NXPH1: variants seen among roughly 807,000 people sequenced by gnomAD.
NXPH1 encodes neurexophilin-1.
In NXPH1, 5 loss-of-function variants were observed where a neutral mutation model predicts 23.7. That is an observed-to-expected ratio of 0.21 (90% confidence interval 0.11 to 0.44). NXPH1 has a LOEUF of 0.44. Ranked by LOEUF, NXPH1 falls within the 20% of genes least tolerant of loss-of-function variation. The pLI is 0.99. For missense variants in NXPH1, 324 were observed against 321.6 expected (o/e 1.01, Z -0.06); for synonymous variants, 144 against 122.2 (o/e 1.18, Z -1.18).
At chr7:8,569,995 G>C (rs10243253) in intron 2 of NXPH1, among the ~76,000 whole-genome samples, 55,774 of 151,632 alleles carry the variant, frequency 0.37, 12,025 homozygotes, top group African/African-American at 0.61. Flanking sequence ...ATGTAAAATA[G>C]TTGGTACAAT....
At chr7:8,645,634 C>T (rs1820386917) in intron 2 of NXPH1, among the ~76,000 whole-genome samples, 1 of 151,766 alleles carries the variant, frequency 6.6e-6, no homozygotes, top group Non-Finnish European at 1.5e-5. Flanking sequence ...ATGTTTTCAT[C>T]ATGGTTTGGG....
chr7:8,619,753 A>G (rs2115121773), intron 2 of NXPH1, among the ~76,000 whole-genome samples: 1 of 152,332 alleles, frequency 6.6e-6, no homozygotes, highest in East Asian at 1.9e-4. Context: ...CATTTGTAAT[A>G]ACACTCTGTA....
At chr7:8,674,569 T>C (rs1820919243) in intron 2 of NXPH1, among the ~76,000 whole-genome samples, 1 of 152,130 alleles carries the variant, frequency 6.6e-6, no homozygotes, top group African/African-American at 2.4e-5. Context: ...GGAGGCAGAA[T>C]GGAAACAAAA....
chr7:8,506,261 C>T (rs79090401), intron 2 of NXPH1, among the ~76,000 whole-genome samples: 10,006 of 152,152 alleles, frequency 0.066, 448 homozygotes, highest in Middle Eastern at 0.14. Flanking sequence ...AATTCTGTTA[C>T]TCCAAGGGAA....
intron 2 of NXPH1, among the ~76,000 whole-genome samples, chr7:8,613,460 T>C (rs556946103): frequency 6.6e-5 from 10 of 151,998 alleles, no homozygotes; most frequent in Non-Finnish European, 1.3e-4. Flanking sequence ...ATTTCTTTCT[T>C]TGATTCCTTA....
At chr7:8,496,083 G>A (rs1014770259) in intron 2 of NXPH1, among the ~76,000 whole-genome samples, 1 of 152,016 alleles carries the variant, frequency 6.6e-6, no homozygotes, top group Non-Finnish European at 1.5e-5. Flanking sequence ...TATATCAAAT[G>A]AGTGGCAGCA....
At chr7:8,708,296 G>A (rs192790263) in intron 2 of NXPH1, among the ~76,000 whole-genome samples, 88 of 151,976 alleles carry the variant, frequency 5.8e-4, no homozygotes, top group Middle Eastern at 3.4e-3. Context: ...TTTGTCATTC[G>A]GTCAAAATAG....
At chr7:8,714,876 CT>C in intron 2 of NXPH1, among the ~76,000 whole-genome samples, 1 of 152,222 alleles carries the variant, frequency 6.6e-6, no homozygotes, top group African/African-American at 2.4e-5. Context: ...AGAGGGATCT[CT>C]TTTGGAACTT....
At chr7:8,691,722 T>C (rs1449435726) in intron 2 of NXPH1, among the ~76,000 whole-genome samples, 3 of 152,236 alleles carry the variant, frequency 2.0e-5, no homozygotes, top group African/African-American at 4.8e-5. Flanking sequence ...TATCACCAGA[T>C]GTTCCAGGCA....
At chr7:8,477,277 GT>G (rs1280906136) in intron 2 of NXPH1, among the ~76,000 whole-genome samples, 1 of 152,074 alleles carries the variant, frequency 6.6e-6, no homozygotes, top group Non-Finnish European at 1.5e-5. Context: ...TATACATTGT[GT>G]TTTACTTACT....
intron 2 of NXPH1, among the ~76,000 whole-genome samples, chr7:8,713,982 A>C (rs1177396316): frequency 6.6e-6 from 1 of 152,190 alleles, no homozygotes; most frequent in African/African-American, 2.4e-5. Flanking sequence ...TGCCTTGAAT[A>C]CTAAAAGACC....
intron 2 of NXPH1, among the ~76,000 whole-genome samples, chr7:8,639,346 T>G (rs1820270122): frequency 6.6e-6 from 1 of 152,132 alleles, no homozygotes; most frequent in South Asian, 2.1e-4. Flanking sequence ...TCAAACAGAT[T>G]TTCACATCTT....
intron 2 of NXPH1, among the ~76,000 whole-genome samples, chr7:8,542,846 T>C (rs17150874): frequency 0.079 from 12,016 of 151,656 alleles, 530 homozygotes; most frequent in Non-Finnish European, 0.099. Flanking sequence ...GGCAAAATAA[T>C]GTGGGTACTA....
intron 2 of NXPH1, among the ~76,000 whole-genome samples, chr7:8,532,467 T>TGGG (rs1563337860): frequency 1.5e-4 from 2 of 13,498 alleles, no homozygotes; most frequent in East Asian, 3.2e-3. Flanking sequence ...CATATTTTTT[T>TGGG]TGGGGGGGGG....
intron 2 of NXPH1, among the ~76,000 whole-genome samples, chr7:8,739,859 A>C (rs1270298850): frequency 6.6e-6 from 1 of 152,144 alleles, no homozygotes; most frequent in East Asian, 1.9e-4. Context: ...AAGCACACAT[A>C]TTAGCCTAGG....
intron 2 of NXPH1, among the ~76,000 whole-genome samples, chr7:8,567,471 G>T (rs1388933152): frequency 6.6e-6 from 1 of 151,864 alleles, no homozygotes; most frequent in Non-Finnish European, 1.5e-5. Flanking sequence ...CTTAGAATGG[G>T]ACAATTTCTA....
In NXPH1 at chr7:8,721,044, C is replaced by A. The variant is rs146141828; in HGVS notation, c.55-29964C>A. ...AAAATTGGTAGGCATAATGGGGTAA[C>A]AGATGCCATTAGAATAATGGCAATA... On this transcript the variant is annotated intron_variant, in intron 2 of 2. Transcript: ENST00000405863. Among the ~76,000 whole-genome samples the A allele has an allele frequency of 7.2e-3, 1,089 of 152,240 alleles. 10 individuals are homozygous for A. Among genetic ancestry groups the A allele is most frequent in the African/African-American group, 0.024 (994 of 41,550 alleles).
chr7:8,725,311 G>C (rs183442073), intron 2 of NXPH1, among the ~76,000 whole-genome samples: 1 of 151,974 alleles, frequency 6.6e-6, no homozygotes, highest in Non-Finnish European at 1.5e-5. Flanking sequence ...GCAACATGGC[G>C]AAACCCTGTC....
At chr7:8,557,378 C>T (rs1024248515) in intron 2 of NXPH1, among the ~76,000 whole-genome samples, 5 of 151,702 alleles carry the variant, frequency 3.3e-5, no homozygotes, top group African/African-American at 1.2e-4. Context: ...CAACACCTTC[C>T]TTTAAAACAT....
Sources: gnomAD v4.1 joint callset for allele counts (sites outside exome capture counted in the v4.1 genomes callset) on GRCh38, gnomAD v4.1.1 for gene constraint, MANE v1.5 for transcripts, NCBI Gene and HGNC (gene_info 2026-07-23, HGNC 2026-07-21) for gene names.